Variants in GALNT17 observed in about 807,000 individuals in gnomAD.
GALNT17 encodes polypeptide N-acetylgalactosaminyltransferase 17, also known as UDP-GalNAc:polypeptide N-acetylgalactosaminyltransferase-like 3.
In GALNT17, 29 loss-of-function variants were observed where a neutral mutation model predicts 63.7. The ratio of observed to expected loss-of-function variants is 0.46; its 90% CI spans 0.34 to 0.62. The LOEUF (loss-of-function observed/expected upper bound fraction) is 0.62. GALNT17 is among the 20% of genes least tolerant of loss of function. The probability of loss-of-function intolerance (pLI) is 0.01; values close to 1 mark genes in which losing one functional copy is unlikely to be tolerated. For synonymous variants in GALNT17, 305 were observed against 318.3 expected, an observed-to-expected ratio of 0.96 and a Z score of 0.45; for missense variants, 603 against 799.6, an observed-to-expected ratio of 0.75 and a Z score of 2.97.
intron 1 of GALNT17, among the ~76,000 whole-genome samples, chr7:71,145,258 A>G (rs140957109): frequency 2.0e-4 from 30 of 152,284 alleles, no homozygotes; most frequent in African/African-American, 6.7e-4. Flanking sequence ...CTTGTTATCC[A>G]TGGAGCAGTT....
intron 5 of GALNT17, among the ~76,000 whole-genome samples, chr7:71,504,757 C>T (rs1788239044): frequency 6.6e-6 from 1 of 152,086 alleles, no homozygotes; most frequent in South Asian, 2.1e-4. Context: ...CTTATTGGGC[C>T]TGGCATGGAT....
intron 5 of GALNT17, among the ~76,000 whole-genome samples, chr7:71,436,497 A>G (rs1191610354): frequency 2.0e-5 from 3 of 152,170 alleles, no homozygotes; most frequent in Non-Finnish European, 4.4e-5. Context: ...AGGCAGGCAG[A>G]TCACGAGGTC....
intron 1 of GALNT17, among the ~76,000 whole-genome samples, chr7:71,274,304 A>G (rs1790646550): frequency 6.6e-6 from 1 of 152,180 alleles, no homozygotes; most frequent in Non-Finnish European, 1.5e-5. Context: ...TTTTAGAGAT[A>G]GGGTCTCTCT....
chr7:71,163,926 A>G (rs1014133890), intron 1 of GALNT17, among the ~76,000 whole-genome samples: 2 of 152,218 alleles, frequency 1.3e-5, no homozygotes, highest in African/African-American at 2.4e-5. Context: ...ACCTTTTAGT[A>G]GCTGTTTTAC....
chr7:71,368,133 A>G (rs537167528), intron 2 of GALNT17, among the ~76,000 whole-genome samples: 50 of 152,372 alleles, frequency 3.3e-4, no homozygotes, highest in African/African-American at 1.2e-3. Context: ...GAGCGTGCAC[A>G]CACGCATCTT....
chr7:71,600,657 G>A (rs1400311286), intron 6 of GALNT17, among the ~76,000 whole-genome samples: 2 of 152,170 alleles, frequency 1.3e-5, no homozygotes, highest in African/African-American at 4.8e-5. Context: ...GATGGGTCAG[G>A]ACTGACCTGT....
intron 5 of GALNT17, among the ~76,000 whole-genome samples, chr7:71,451,392 C>T (rs1787260848): frequency 1.3e-5 from 2 of 152,164 alleles, no homozygotes; most frequent in African/African-American, 4.8e-5. Context: ...TTCTACTCAT[C>T]ATTTAAAAAT....
chr7:71,426,736 A>G (rs1786767312), intron 5 of GALNT17, among the ~76,000 whole-genome samples: 1 of 152,138 alleles, frequency 6.6e-6, no homozygotes, highest in Non-Finnish European at 1.5e-5. Context: ...CCTAGCCAAC[A>G]TGGATAAACC....
At chr7:71,259,104 G>A (rs1300247787) in intron 1 of GALNT17, among the ~76,000 whole-genome samples, 1 of 152,154 alleles carries the variant, frequency 6.6e-6, no homozygotes, top group African/African-American at 2.4e-5. Context: ...GGGAGACCTA[G>A]GTTGAGTTCA....
chr7:71,391,406 G>C (rs1469508270), intron 3 of GALNT17, among the ~76,000 whole-genome samples: 2 of 152,180 alleles, frequency 1.3e-5, no homozygotes, highest in East Asian at 3.8e-4. Context: ...ACACTTAGTG[G>C]GTTCAGTAGG....
chr7:71,686,461 A>G (rs526838), intron 9 of GALNT17, among the ~76,000 whole-genome samples: 146,120 of 152,162 alleles, frequency 0.96, 70,440 homozygotes, highest in East Asian at 1. Flanking sequence ...GCTCACTGTG[A>G]CCTTGAACTC....
chr7:71,709,575 T>G (rs2115564569), intron 9 of GALNT17, among the ~76,000 whole-genome samples: 1 of 70,776 alleles, frequency 1.4e-5, no homozygotes, highest in East Asian at 2.0e-4. Context: ...TTTCAGTTTT[T>G]GGGTTTTTTT....
intron 5 of GALNT17, among the ~76,000 whole-genome samples, chr7:71,552,019 T>TTTA (rs1554307571): frequency 1.4e-3 from 3 of 2,208 alleles, no homozygotes; most frequent in Non-Finnish European, 4.6e-3. Context: ...TTTTTATTTA[T>TTTA]TTATTTATTT....
intron 2 of GALNT17, among the ~76,000 whole-genome samples, chr7:71,338,745 T>A (rs1791957372): frequency 6.6e-6 from 1 of 152,212 alleles, no homozygotes; most frequent in African/African-American, 2.4e-5. Context: ...CTTTTTCTAT[T>A]TAGAGTGTGT....
Position 71,705,915 on chromosome 7 carries a change from C to T in GALNT17, c.1501-4846C>T, listed in dbSNP as rs140443691. ...ACGTGCAGAGGACAGGAAGAAGAGA[C>T]GCTCAAGGAAGGAGCATGAGGGATG... On this transcript the variant is annotated intron_variant, in intron 9 of 10. Transcript: ENST00000333538. 4.5e-4 allele frequency among the ~76,000 whole-genome samples: 68 copies of T among 152,244 alleles called. 1 individual carries two copies. The highest frequency in any genetic ancestry group is 1.4e-3 in the African/African-American group (58 of 41,554).
chr7:71,384,142 TTTTTG>T lies in GALNT17; in HGVS notation c.423-4088_423-4084del, dbSNP rs1245242358. On this transcript the variant is annotated intron_variant, in intron 2 of 10. Coordinates refer to ENST00000333538, the MANE Select transcript of GALNT17 (RefSeq NM_022479.3). Reference sequence around the variant, plus strand: ...GTTTTGTTTTGTTTTGTTTTTTTGTTTTTTGTTTTAACAGTAGCCATCTTAATGGA... The same window carrying T: ...GTTTTGTTTTGTTTTGTTTTTTTGTTTTTTAACAGTAGCCATCTTAATGGA... 1.6e-4 allele frequency among the ~76,000 whole-genome samples: 25 copies of T among 152,304 alleles called. 1 individual carries two copies. The South Asian group carries it at 5.2e-3, about 32-fold the overall frequency.
intron 5 of GALNT17, among the ~76,000 whole-genome samples, chr7:71,468,053 G>A (rs117592727): frequency 0.019 from 2,866 of 151,566 alleles, 40 homozygotes; most frequent in African/African-American, 0.03. Context: ...TTAGAGACAG[G>A]GTCTTGCTCT....
At chr7:71,371,780 G>A (rs2707439) in intron 2 of GALNT17, among the ~76,000 whole-genome samples, 6,676 of 152,128 alleles carry the variant, frequency 0.044, 511 homozygotes, top group African/African-American at 0.15. Context: ...GAAGGGAGAC[G>A]TGCACTATTA....
chr7:71,229,802 A>G (rs1303375454), intron 1 of GALNT17, among the ~76,000 whole-genome samples: 4 of 152,142 alleles, frequency 2.6e-5, no homozygotes, highest in Non-Finnish European at 5.9e-5. Flanking sequence ...ACCTAGTTCG[A>G]TGTCTGTGAC....
Sources: allele counts gnomAD v4.1 joint callset (sites outside exome capture counted in the v4.1 genomes callset), GRCh38; gene constraint gnomAD v4.1.1; transcripts MANE v1.5; gene names NCBI Gene and HGNC (gene_info 2026-07-23, HGNC 2026-07-21).